Variants in PRKCB observed in about 807,000 individuals in gnomAD.
PRKCB encodes the protein protein kinase C beta type.
PRKCB carries 13 observed loss-of-function variants against 81.5 expected under a neutral mutation model. That is an observed-to-expected ratio of 0.16 (90% CI 0.10 to 0.25). The LOEUF is 0.25. Ranked by LOEUF, PRKCB falls within the 10% of genes least tolerant of loss-of-function variation. PRKCB has a pLI of 1.00. For missense variants in PRKCB, 509 were observed against 875.7 expected, an observed-to-expected ratio of 0.58 and a Z score of 5.29; for synonymous variants, 335 against 321.4, an observed-to-expected ratio of 1.04 and a Z score of -0.45.
intron 5 of PRKCB, among the ~76,000 whole-genome samples, chr16:24,044,751 T>C (rs543686022): frequency 3.3e-4 from 50 of 152,362 alleles, no homozygotes; most frequent in African/African-American, 1.2e-3. Flanking sequence ...GCTTGTACAA[T>C]CTGCAAAATG....
intron 2 of PRKCB, among the ~76,000 whole-genome samples, chr16:23,905,618 G>T (rs1243529515): frequency 6.6e-6 from 1 of 152,218 alleles, no homozygotes; most frequent in Non-Finnish European, 1.5e-5. Context: ...CAACTCCAGA[G>T]AGTCTCCTAG....
rs141851225 is a variant in PRKCB at position 24,123,836 on chromosome 16, G to C, written c.920G>C (p.Arg307Thr). The part of the protein sequence containing the change: ...ANEELRQKFE[R>T]AKISQGTKVP... The stretch of plus-strand genomic sequence containing the variant: ...TTTCTGTGTGCTTCCTTTTTGCAGA[G>C]GGCCAAGATCAGTCAGGGAACCAAG... Residue 307 changes from arginine to threonine, a missense_variant and splice_region_variant, in exon 9 of 17, where the codon AGG becomes ACG. Around this residue, in one of 6 missense-constraint regions of PRKCB, gnomAD observed 80 missense variants for 89.4 expected, o/e 0.90. Coordinates refer to ENST00000643927, the MANE Select transcript of PRKCB (RefSeq NM_002738.7). 1 of 1,613,180 alleles carries C rather than the reference G, an allele frequency of 6.2e-7. No homozygotes were observed. Among genetic ancestry groups the C allele is most frequent in the African/African-American group, 1.3e-5 (1 of 74,804 alleles).
intron 3 of PRKCB, among the ~76,000 whole-genome samples, chr16:24,029,910 T>A (rs1275901538): frequency 6.6e-6 from 1 of 152,218 alleles, no homozygotes; most frequent in Non-Finnish European, 1.5e-5. Context: ...TTTTCCTTTT[T>A]TTAAGAGAGA....
At chr16:24,004,492 A>AAG (rs1555489918) in intron 3 of PRKCB, among the ~76,000 whole-genome samples, 15 of 151,052 alleles carry the variant, frequency 9.9e-5, no homozygotes, top group Admixed American at 7.9e-4. Context: ...AAAAAAAAAA[A>AAG]AAAAAAGAAA....
At chr16:23,896,439 C>T (rs1170130646) in intron 2 of PRKCB, among the ~76,000 whole-genome samples, 1 of 152,082 alleles carries the variant, frequency 6.6e-6, no homozygotes, top group Non-Finnish European at 1.5e-5. Context: ...TGGTCTGTGT[C>T]TTCACTGAAT....
At chr16:23,858,109 G>C (rs979781690) in intron 2 of PRKCB, among the ~76,000 whole-genome samples, 1 of 152,178 alleles carries the variant, frequency 6.6e-6, no homozygotes, top group Admixed American at 6.5e-5. Flanking sequence ...TGATGATGAT[G>C]ATGATGAAGG....
chr16:23,837,849 T>C (rs1962194233), intron 2 of PRKCB, among the ~76,000 whole-genome samples: 2 of 152,216 alleles, frequency 1.3e-5, no homozygotes, highest in African/African-American at 2.4e-5. Context: ...GCCGCTCCTC[T>C]GCAGATGGTG....
In PRKCB at chr16:23,878,114, G is replaced by A. The variant is rs555463486; in HGVS notation, c.205+40708G>A. Among the ~76,000 whole-genome samples the A allele has an allele frequency of 2.0e-5, 3 of 152,270 alleles. No individual in the cohort carries two copies. The East Asian group carries it at 5.8e-4, about 29-fold the overall frequency. On this transcript the variant is annotated intron_variant, in intron 2 of 16. Coordinates refer to ENST00000643927, the MANE Select transcript of PRKCB (RefSeq NM_002738.7). ...CTCCCAAAGTGCTGTAATTACAGGC[G>A]TGAGCCACCGCACCCGGCCTGTCAC...
At chr16:23,841,890 A>C (rs1459365126) in intron 2 of PRKCB, among the ~76,000 whole-genome samples, 2 of 152,052 alleles carry the variant, frequency 1.3e-5, no homozygotes, top group African/African-American at 2.4e-5. Flanking sequence ...TCCTGACCTC[A>C]GGTGATCTGC....
intron 2 of PRKCB, among the ~76,000 whole-genome samples, chr16:23,843,272 T>C (rs1001103762): frequency 6.6e-6 from 1 of 152,196 alleles, no homozygotes; most frequent in Non-Finnish European, 1.5e-5. Context: ...GCTGCAAGTT[T>C]AGAGGTTACT....
intron 5 of PRKCB, among the ~76,000 whole-genome samples, chr16:24,042,383 A>AGAATGGC (rs57528399): frequency 5.9e-5 from 9 of 151,464 alleles, no homozygotes; most frequent in Non-Finnish European, 1.3e-4. Flanking sequence ...GGTCACACAC[A>AGAATGGC]GATAGGGCCC....
At chr16:23,872,495 TG>T (rs1962921406) in intron 2 of PRKCB, among the ~76,000 whole-genome samples, 1 of 152,268 alleles carries the variant, frequency 6.6e-6, no homozygotes, top group Admixed American at 6.5e-5. Context: ...CACTCCAGCC[TG>T]GATGACAGAG....
At chr16:24,066,778 C>G (rs1966040486) in intron 5 of PRKCB, among the ~76,000 whole-genome samples, 1 of 152,150 alleles carries the variant, frequency 6.6e-6, no homozygotes, top group Non-Finnish European at 1.5e-5. Context: ...TTGAGAAGTA[C>G]TGGTCAAGTA....
intron 3 of PRKCB, among the ~76,000 whole-genome samples, chr16:24,013,052 T>A (rs1272007964): frequency 6.6e-6 from 1 of 152,182 alleles, no homozygotes; most frequent in Non-Finnish European, 1.5e-5. Flanking sequence ...CTCTGATTGA[T>A]TCAGAACCTC....
intron 16 of PRKCB, among the ~76,000 whole-genome samples, chr16:24,202,832 A>G (rs1019101186): frequency 6.6e-6 from 1 of 152,206 alleles, no homozygotes. Context: ...GGAAAAGTTC[A>G]GAGTGCCTTC....
intron 2 of PRKCB, among the ~76,000 whole-genome samples, chr16:23,875,582 A>G (rs796986715): frequency 2.3e-5 from 1 of 43,578 alleles, no homozygotes; most frequent in Non-Finnish European, 5.0e-5. Flanking sequence ...TCAAACACAT[A>G]TGTATATCAC....
At chr16:24,160,459 A>G (rs1967237419) in intron 10 of PRKCB, among the ~76,000 whole-genome samples, 1 of 152,146 alleles carries the variant, frequency 6.6e-6, no homozygotes. Context: ...GCTTCAGAGG[A>G]GGCAGTGGAG....
At chr16:23,916,023 A>G (rs1263888654) in intron 2 of PRKCB, among the ~76,000 whole-genome samples, 1 of 152,004 alleles carries the variant, frequency 6.6e-6, no homozygotes, top group East Asian at 1.9e-4. Context: ...CCGAGTTAAG[A>G]AATATAGATC....
In PRKCB at chr16:24,095,017, C is replaced by G. The variant is rs138720378; in HGVS notation, c.821+720C>G. Among the ~76,000 whole-genome samples, 900 of 152,224 alleles carry G rather than the reference C, an allele frequency of 5.9e-3. 10 individuals carry two copies. The highest frequency in any genetic ancestry group is 0.021 in the African/African-American group (870 of 41,510). On this transcript the variant is annotated intron_variant, in intron 7 of 16. Transcript: ENST00000643927. ...GGGGCTAGAAGGCAACAATTGAGAA[C>G]AGTTGAATAGTTAATGCCCCCTTTA...
Sources: allele counts gnomAD v4.1 joint callset (sites outside exome capture counted in the v4.1 genomes callset), GRCh38; gene constraint gnomAD v4.1.1; regional missense constraint gnomAD v4.1.1; transcripts MANE v1.5; gene names NCBI Gene and HGNC (gene_info 2026-07-23, HGNC 2026-07-21).